Variants in ADGRB3 observed in about 807,000 individuals in gnomAD.
ADGRB3 encodes the protein brain-specific angiogenesis inhibitor 3.
In ADGRB3, 37 loss-of-function variants were observed where a neutral mutation model predicts 193.4. That is an observed-to-expected ratio of 0.19 (90% confidence interval 0.15 to 0.25). The LOEUF (loss-of-function observed/expected upper bound fraction) is 0.25. Ranked by LOEUF, ADGRB3 falls within the 10% of genes least tolerant of loss-of-function variation. The probability of loss-of-function intolerance (pLI) is 1.00; values close to 1 mark genes in which losing one functional copy is unlikely to be tolerated. For missense variants in ADGRB3, 1,637 were observed against 1,852.9 expected, an observed-to-expected ratio of 0.88 and a Z score of 2.14; for synonymous variants, 690 against 644.2, an observed-to-expected ratio of 1.07 and a Z score of -1.08.
At chr6:68,822,403 A>G (rs1274887350) in intron 3 of ADGRB3, among the ~76,000 whole-genome samples, 1 of 151,898 alleles carries the variant, frequency 6.6e-6, no homozygotes, top group Non-Finnish European at 1.5e-5. Flanking sequence ...TCTGGTGAGA[A>G]TCTATTTCTG....
intron 10 of ADGRB3, among the ~76,000 whole-genome samples, chr6:68,977,308 T>C (rs942121445): frequency 6.6e-6 from 1 of 152,054 alleles, no homozygotes; most frequent in Admixed American, 6.6e-5. Flanking sequence ...AATGGATTTT[T>C]TTTTCTAATT....
At chr6:68,946,286 T>C (rs955242209) in intron 6 of ADGRB3, among the ~76,000 whole-genome samples, 2 of 152,108 alleles carry the variant, frequency 1.3e-5, no homozygotes, top group East Asian at 1.9e-4. Context: ...AAATTCTCTT[T>C]AGAACTCATC....
chr6:69,375,315 A>ACAC (rs1769792288), intron 30 of ADGRB3, among the ~76,000 whole-genome samples: 1 of 152,114 alleles, frequency 6.6e-6, no homozygotes, highest in Admixed American at 6.6e-5. Flanking sequence ...TGAAAGGTGA[A>ACAC]GTAGAAATAC....
At chr6:69,114,058 G>A (rs78027448) in intron 17 of ADGRB3, among the ~76,000 whole-genome samples, 9,255 of 152,200 alleles carry the variant, frequency 0.061, 353 homozygotes, top group South Asian at 0.11. Flanking sequence ...GGGCAAAATC[G>A]AGTATCCCAA....
chr6:69,284,425 T>A (rs553170169), intron 20 of ADGRB3, among the ~76,000 whole-genome samples: 34 of 152,240 alleles, frequency 2.2e-4, no homozygotes, highest in African/African-American at 7.7e-4. Flanking sequence ...CTTGATCTGC[T>A]TGACTACCGG....
chr6:69,368,866 GA>G (rs1769644802), intron 29 of ADGRB3, among the ~76,000 whole-genome samples: 1 of 152,092 alleles, frequency 6.6e-6, no homozygotes, highest in East Asian at 1.9e-4. Flanking sequence ...GGAGTATTGA[GA>G]ATAGAATACA....
At chr6:69,261,412 A>C (rs1008432910) in intron 20 of ADGRB3, among the ~76,000 whole-genome samples, 1 of 152,140 alleles carries the variant, frequency 6.6e-6, no homozygotes. Context: ...AAGGGAAAAT[A>C]GGTTTCACTC....
Position 68,797,006 on chromosome 6 carries a change from G to A in ADGRB3, c.758-133553G>A, listed in dbSNP as rs1324483376. 2.6e-5 allele frequency among the ~76,000 whole-genome samples: 4 copies of A among 152,264 alleles called. No individual in the cohort carries two copies. The East Asian group carries it at 5.8e-4, about 22-fold the overall frequency. ...TCCTAATTTCCTAAGGATTAGTGGT[G>A]GTGGGAGAGGGCATTCTATGGTTAA... On this transcript the variant is annotated intron_variant, in intron 3 of 31. Transcript: ENST00000370598.
At chr6:69,247,317 G>A (rs1766519776) in intron 20 of ADGRB3, among the ~76,000 whole-genome samples, 1 of 152,080 alleles carries the variant, frequency 6.6e-6, no homozygotes, top group Non-Finnish European at 1.5e-5. Context: ...ACTCCTTCAG[G>A]GCAGATGCGG....
At chr6:69,319,075 G>T (rs1445906730) in intron 20 of ADGRB3, among the ~76,000 whole-genome samples, 1 of 150,610 alleles carries the variant, frequency 6.6e-6, no homozygotes, top group East Asian at 1.9e-4. Context: ...TATTCCTCTT[G>T]ATTTCTTTAA....
At chr6:68,809,009 T>C (rs1013227330) in intron 3 of ADGRB3, among the ~76,000 whole-genome samples, 1 of 152,164 alleles carries the variant, frequency 6.6e-6, no homozygotes. Context: ...AAATTTAAAA[T>C]ATATTAAAGT....
chr6:68,750,293 A>C (rs1237813678), intron 3 of ADGRB3, among the ~76,000 whole-genome samples: 2 of 152,182 alleles, frequency 1.3e-5, no homozygotes, highest in African/African-American at 2.4e-5. Context: ...TTCTAAAATA[A>C]CTGGGAATGT....
intron 12 of ADGRB3, among the ~76,000 whole-genome samples, chr6:69,016,647 A>G (rs1770100458): frequency 6.6e-6 from 1 of 151,946 alleles, no homozygotes; most frequent in South Asian, 2.1e-4. Context: ...AGAAACTGAG[A>G]AAGAGGAGCA....
chr6:68,695,434 A>G (rs1765140704), intron 3 of ADGRB3, among the ~76,000 whole-genome samples: 1 of 152,054 alleles, frequency 6.6e-6, no homozygotes, highest in South Asian at 2.1e-4. Flanking sequence ...GCAGGGAGAA[A>G]AGAGGGGAAC....
intron 3 of ADGRB3, among the ~76,000 whole-genome samples, chr6:68,707,774 A>G (rs1261261554): frequency 6.6e-6 from 1 of 152,226 alleles, no homozygotes; most frequent in Non-Finnish European, 1.5e-5. Context: ...ATTAGTTATT[A>G]TCATTCCCCC....
rs1176382173 is a variant in ADGRB3 at position 68,979,170 on chromosome 6, A to G, written c.1734+3830A>G. 4.0e-5 allele frequency among the ~76,000 whole-genome samples: 6 copies of G among 151,406 alleles called. No homozygotes were observed. The Admixed American group carries it at 4.0e-4, about 10-fold the overall frequency. On this transcript the variant is annotated intron_variant, in intron 10 of 31. Coordinates refer to ENST00000370598, the MANE Select transcript of ADGRB3 (RefSeq NM_001704.3). ...CCTAACATAATACTAAGCATATACT[A>G]TTAATAAATATTTCAAAGATTTTTG...
chr6:68,921,672 C>G (rs1767047310), intron 3 of ADGRB3, among the ~76,000 whole-genome samples: 1 of 151,570 alleles, frequency 6.6e-6, no homozygotes, highest in Admixed American at 6.6e-5. Context: ...TGATGTAGTT[C>G]AAGTACATTT....
rs557988789 is a variant in ADGRB3 at position 69,271,139 on chromosome 6, CTG to C, written c.2814+31916_2814+31917del. Among the ~76,000 whole-genome samples the C allele has an allele frequency of 3.8e-3, 576 of 152,234 alleles. 7 individuals carry two copies. Among genetic ancestry groups the C allele is most frequent in the African/African-American group, 0.013 (551 of 41,550 alleles). ...AGTCTTTAGCCATAGGATGGAATAACTGTGAGAATATGTAAATATGAAACAAA... is the reference window on the plus strand; with the variant it reads ...AGTCTTTAGCCATAGGATGGAATAACTGAGAATATGTAAATATGAAACAAA... On this transcript the variant is annotated intron_variant, in intron 20 of 31. Transcript: ENST00000370598.
intron 17 of ADGRB3, among the ~76,000 whole-genome samples, chr6:69,118,439 G>A (rs899611145): frequency 7.6e-6 from 1 of 131,148 alleles, no homozygotes; most frequent in African/African-American, 2.5e-5. Flanking sequence ...AAAGTCTCAG[G>A]CTACCAGAGT....
Sources: allele counts gnomAD v4.1 joint callset (sites outside exome capture counted in the v4.1 genomes callset), GRCh38; gene constraint gnomAD v4.1.1; transcripts MANE v1.5; gene names NCBI Gene and HGNC (gene_info 2026-07-23, HGNC 2026-07-21).